The following MEGF11 variants were observed in gnomAD, a reference collection of about 807,000 sequenced individuals.
MEGF11 encodes the protein multiple EGF like domains 11.
A neutral mutation model predicts 146.6 loss-of-function variants in MEGF11; 126 were observed. That is an observed-to-expected ratio of 0.86 (90% CI 0.74 to 1.00). MEGF11 has a LOEUF of 1.00. Ranked by LOEUF, MEGF11 falls within the 50% of genes least tolerant of loss-of-function variation. MEGF11 has a pLI of 0.00. For missense variants in MEGF11, 1,509 were observed against 1,521.2 expected (o/e 0.99, Z 0.13); for synonymous variants, 532 against 583.4 (o/e 0.91, Z 1.27).
At chr15:66,111,274 A>G (rs1168606898) in intron 4 of MEGF11, among the ~76,000 whole-genome samples, 2 of 152,170 alleles carry the variant, frequency 1.3e-5, no homozygotes, top group Non-Finnish European at 2.9e-5. Context: ...TCACTCCAAG[A>G]AGGCATTGAA....
chr15:66,191,254 A>G (rs1297960491), intron 1 of MEGF11, among the ~76,000 whole-genome samples: 1 of 152,162 alleles, frequency 6.6e-6, no homozygotes, highest in African/African-American at 2.4e-5. Context: ...GGCTGGAGGG[A>G]GGGCCGCTCT....
intron 8 of MEGF11, among the ~76,000 whole-genome samples, chr15:65,966,033 T>C (rs1157652508): frequency 6.6e-6 from 1 of 152,084 alleles, no homozygotes; most frequent in Non-Finnish European, 1.5e-5. Flanking sequence ...TGAGATGGAG[T>C]CTCACTCTGT....
At chr15:65,901,550 C>A (rs1370029092) in intron 24 of MEGF11, among the ~76,000 whole-genome samples, 1 of 151,946 alleles carries the variant, frequency 6.6e-6, no homozygotes. Flanking sequence ...AAGATGTTTT[C>A]CCTCACTACG....
Position 65,929,947 on chromosome 15 carries a change from C to A in MEGF11, c.1409-64G>T, listed in dbSNP as rs2079514968. 2.4e-5 allele frequency: 35 copies of A among 1,467,672 alleles called. 3 individuals are homozygous for A. In the South Asian group the frequency reaches 4.3e-4, roughly 18 times the overall value. The allele number at this position is 1,467,672 out of a possible 1,614,324, so 90.9% of individuals were successfully genotyped here. A position where few individuals can be genotyped will look rare whatever the true frequency, so the allele number is the denominator to read the frequency against. On this transcript the variant is annotated intron_variant, in intron 11 of 25. Coordinates refer to ENST00000395614, the MANE Select transcript of MEGF11 (RefSeq NM_001385028.1). Reference sequence around the variant, plus strand: ...GCCCAGTGTGTCTTTTTTGCCCACTCCCCCCAGCTCTGCACACAGCATTCC... The same window carrying A: ...GCCCAGTGTGTCTTTTTTGCCCACTACCCCCAGCTCTGCACACAGCATTCC...
chr15:65,938,677 T>G (rs1187201841), intron 10 of MEGF11, among the ~76,000 whole-genome samples: 1 of 152,184 alleles, frequency 6.6e-6, no homozygotes, highest in Admixed American at 6.5e-5. Context: ...TCCAAAGGCC[T>G]GTTAATTATA....
At chr15:65,929,640 T>C (rs2079499907) in intron 12 of MEGF11, 80 bp downstream of exon 12, 1 of 1,473,656 alleles carries the variant, frequency 6.8e-7, no homozygotes, top group Non-Finnish European at 9.1e-7. Context: ...CTCTGTGCAC[T>C]CTTGTGGACG....
chr15:66,206,125 CAT>C (rs1227711221), intron 1 of MEGF11, among the ~76,000 whole-genome samples: 1 of 151,998 alleles, frequency 6.6e-6, no homozygotes, highest in Non-Finnish European at 1.5e-5. Context: ...AATGGAAAAA[CAT>C]AACTGAAATA....
intron 5 of MEGF11, among the ~76,000 whole-genome samples, chr15:65,991,400 A>G (rs78553629): frequency 1.2e-4 from 19 of 152,292 alleles, no homozygotes; most frequent in Non-Finnish European, 2.4e-4. Context: ...CCATTTTCCA[A>G]TGAGAAAACT....
intron 5 of MEGF11, among the ~76,000 whole-genome samples, chr15:66,063,582 G>A (rs747431067): frequency 9.2e-5 from 14 of 152,168 alleles, no homozygotes; most frequent in Non-Finnish European, 1.8e-4. Flanking sequence ...GTGTGTGCAC[G>A]GCCTCTCCCC....
intron 1 of MEGF11, among the ~76,000 whole-genome samples, chr15:66,184,924 G>C (rs1451737933): frequency 6.6e-6 from 1 of 151,910 alleles, no homozygotes; most frequent in African/African-American, 2.4e-5. Context: ...CGTGTTCCTA[G>C]AGCCATATTC....
intron 1 of MEGF11, among the ~76,000 whole-genome samples, chr15:66,242,146 T>C (rs1289367420): frequency 6.6e-6 from 1 of 151,934 alleles, no homozygotes; most frequent in Non-Finnish European, 1.5e-5. Flanking sequence ...GTGACTCACA[T>C]CTATAATCTC....
intron 5 of MEGF11, among the ~76,000 whole-genome samples, chr15:66,030,364 G>T (rs333583): frequency 0.95 from 144,171 of 152,270 alleles, 68,578 homozygotes; most frequent in Middle Eastern, 1. Flanking sequence ...GTTGTATACA[G>T]GCCTCAGACC....
chr15:66,052,202 C>T (rs541880761), intron 5 of MEGF11, among the ~76,000 whole-genome samples: 5 of 152,158 alleles, frequency 3.3e-5, no homozygotes, highest in South Asian at 2.1e-4. Context: ...CTCCCTGCAA[C>T]GGGCTCATCA....
intron 1 of MEGF11, among the ~76,000 whole-genome samples, chr15:66,235,555 GGAGAATA>G (rs1238235289): frequency 6.6e-6 from 1 of 151,860 alleles, no homozygotes; most frequent in Non-Finnish European, 1.5e-5. Flanking sequence ...TGGCCAAGAG[GGAGAATA>G]GAAACTGACT....
chr15:65,953,473 A>G (rs2080473433), intron 10 of MEGF11, among the ~76,000 whole-genome samples: 1 of 152,200 alleles, frequency 6.6e-6, no homozygotes, highest in African/African-American at 2.4e-5. Flanking sequence ...TTTGAACTCC[A>G]GCTCCTCATC....
chr15:66,065,157 C>T (rs1048614698), intron 5 of MEGF11, among the ~76,000 whole-genome samples: 1 of 152,180 alleles, frequency 6.6e-6, no homozygotes, highest in Admixed American at 6.5e-5. Flanking sequence ...ATTGTCAGAG[C>T]ACACGTCCCT....
chr15:66,040,855 G>T (rs751190458), intron 5 of MEGF11, among the ~76,000 whole-genome samples: 2 of 151,850 alleles, frequency 1.3e-5, no homozygotes, highest in African/African-American at 4.8e-5. Context: ...GGAAAATGGG[G>T]CTGAAATCTA....
chr15:66,134,057 G>A (rs942342707), intron 1 of MEGF11, among the ~76,000 whole-genome samples: 5 of 152,142 alleles, frequency 3.3e-5, no homozygotes, highest in Non-Finnish European at 5.9e-5. Flanking sequence ...GGTACCATGA[G>A]GGTTGCAGCC....
At chr15:66,192,462 T>A (rs1197547226) in intron 1 of MEGF11, among the ~76,000 whole-genome samples, 1 of 130,202 alleles carries the variant, frequency 7.7e-6, no homozygotes, top group Non-Finnish European at 1.7e-5. Context: ...AGAGCAAGAC[T>A]CCATCTCAAA....
Sources: allele counts gnomAD v4.1 joint callset (sites outside exome capture counted in the v4.1 genomes callset), GRCh38; gene constraint gnomAD v4.1.1; transcripts MANE v1.5; gene names NCBI Gene and HGNC (gene_info 2026-07-23, HGNC 2026-07-21).